Variants in APC observed in about 807,000 individuals in gnomAD.
APC encodes the protein adenomatous polyposis coli protein.
In APC, 72 loss-of-function variants were observed where a neutral mutation model predicts 247.0. The ratio of observed to expected loss-of-function variants is 0.29; its 90% CI spans 0.24 to 0.35. The LOEUF (loss-of-function observed/expected upper bound fraction) is 0.35. APC is among the 10% of genes least tolerant of loss of function. The pLI is 1.00. For missense variants in APC, 3,400 were observed against 3,360.7 expected, an observed-to-expected ratio of 1.01 and a Z score of -0.29; for synonymous variants, 1,254 against 1,162.5, an observed-to-expected ratio of 1.08 and a Z score of -1.60.
At chr5:112,742,902 G>A (rs534376928) in intron 1 of APC, among the ~76,000 whole-genome samples, 1 of 152,274 alleles carries the variant, frequency 6.6e-6, no homozygotes, top group East Asian at 1.9e-4. Context: ...CTAGGAGAGG[G>A]ATCACTGGAT....
At chr5:112,723,607 T>A (rs1751604496) in intron 1 of APC, among the ~76,000 whole-genome samples, 1 of 152,148 alleles carries the variant, frequency 6.6e-6, no homozygotes, top group African/African-American at 2.4e-5. Flanking sequence ...AATTTAAACA[T>A]CTGTCATGGT....
chr5:112,763,135 C>G lies in APC; in HGVS notation c.136-3191C>G, dbSNP rs186025912. Among the ~76,000 whole-genome samples, 193 of 152,166 alleles carry G rather than the reference C, an allele frequency of 1.3e-3. 1 individual carries two copies. Among genetic ancestry groups the G allele is most frequent in the African/African-American group, 4.5e-3 (187 of 41,530 alleles). On this transcript the variant is annotated intron_variant, in intron 2 of 15. Transcript: ENST00000257430. ...TATGCTTATAGCTATCAATAGATTT[C>G]TAACAATGTGTACAGAAATTTTTAA... is the stretch of plus-strand genomic sequence containing the variant.
intron 1 of APC, among the ~76,000 whole-genome samples, chr5:112,748,995 G>A (rs751708344): frequency 5.9e-5 from 9 of 152,018 alleles, no homozygotes; most frequent in Non-Finnish European, 8.8e-5. Flanking sequence ...AAAGAATGAA[G>A]TTTGCTTTAG....
At chr5:112,727,537 A>C (rs963674072) in intron 1 of APC, among the ~76,000 whole-genome samples, 3 of 152,166 alleles carry the variant, frequency 2.0e-5, no homozygotes, top group Non-Finnish European at 4.4e-5. Flanking sequence ...TTTTAACATC[A>C]GTATTGAGAT....
chr5:112,768,148 A>G lies in APC; in HGVS notation c.422+758A>G, dbSNP rs535581989. Among the ~76,000 whole-genome samples, 12 of 148,870 alleles carry G rather than the reference A, an allele frequency of 8.1e-5. No homozygotes were observed. In the South Asian group the frequency reaches 2.6e-3, roughly 32 times the overall value. ...AACCTCTGCCTCCCAGGTTCAAGCG[A>G]TTCTTCTGCTTCAGTCTCCCAAGTA... On this transcript the variant is annotated intron_variant, in intron 4 of 15. Transcript: ENST00000257430.
At chr5:112,804,927 G>A (rs1448803408) in intron 8 of APC, among the ~76,000 whole-genome samples, 1 of 151,954 alleles carries the variant, frequency 6.6e-6, no homozygotes, top group Admixed American at 6.6e-5. Flanking sequence ...GCTGCAGTGG[G>A]CTATGATCAT....
intron 1 of APC, among the ~76,000 whole-genome samples, chr5:112,713,540 T>C (rs987655682): frequency 4.6e-5 from 7 of 152,204 alleles, no homozygotes; most frequent in Non-Finnish European, 7.3e-5. Flanking sequence ...AATGGCTGAT[T>C]AGAAGAAAAC....
rs371784771 is a variant in APC at position 112,839,905 on chromosome 5, A to G, written c.4311A>G (p.Lys1437=). Residue 1437 remains lysine (K), a synonymous_variant, in exon 16 of 16, where the codon AAA becomes AAG. Coordinates refer to ENST00000257430, the MANE Select transcript of APC (RefSeq NM_000038.6). This position sits in a 1 kb window ranked among gnomAD's most constrained non-coding sequence, Gnocchi z 5.0. The part of the protein sequence containing the change: ...PGQTMPPSRS[K]TPPPPPQTAQ... ...AAACCATGCCACCAAGCAGAAGTAA[A>G]ACACCTCCACCACCTCCTCAAACAG... is the stretch of plus-strand genomic sequence containing the variant. 6.8e-6 allele frequency: 11 copies of G among 1,614,070 alleles called. No individual in the cohort carries two copies. Among genetic ancestry groups the G allele is most frequent in the South Asian group, 6.6e-5 (6 of 91,078 alleles).
intron 7 of APC, among the ~76,000 whole-genome samples, chr5:112,797,340 T>C (rs183364914): frequency 1.4e-4 from 21 of 152,252 alleles, no homozygotes; most frequent in Admixed American, 5.9e-4. Flanking sequence ...AGCTAGAAGA[T>C]GGAGAAAATT....
intron 1 of APC, among the ~76,000 whole-genome samples, chr5:112,729,686 C>T (rs537749019): frequency 6.6e-6 from 1 of 152,300 alleles, no homozygotes; most frequent in African/African-American, 2.4e-5. Flanking sequence ...TGGGTCTACC[C>T]AGGATAATCT....
chr5:112,816,390 A>G (rs993083059), intron 9 of APC, among the ~76,000 whole-genome samples: 4 of 152,222 alleles, frequency 2.6e-5, no homozygotes, highest in Middle Eastern at 3.2e-3. Context: ...GTGAATGGAA[A>G]AATTGTTGAA....
At chr5:112,807,878 G>A (rs969219178) in intron 8 of APC, among the ~76,000 whole-genome samples, 4 of 152,110 alleles carry the variant, frequency 2.6e-5, no homozygotes, top group African/African-American at 9.7e-5. Context: ...TAACTGGCCA[G>A]GTGTGGTGGC....
At chr5:112,821,865 C>G (rs2149791576) in intron 10 of APC, 31 bp from the exon 11 acceptor site, 1 of 1,509,650 alleles carries the variant, frequency 6.6e-7, no homozygotes, top group Non-Finnish European at 9.2e-7. Flanking sequence ...AATAACAAAG[C>G]ATTATGGTTT....
At chr5:112,787,624 C>T (rs1273965917) in intron 6 of APC, among the ~76,000 whole-genome samples, 10 of 152,308 alleles carry the variant, frequency 6.6e-5, no homozygotes, top group Non-Finnish European at 5.9e-5. Context: ...ATCCCTTGCT[C>T]ATTCCCTACT....
intron 1 of APC, among the ~76,000 whole-genome samples, chr5:112,749,479 A>ATTTTTTTTTTTTTTTTTTTTTTTTTTTT: frequency 1.9e-5 from 2 of 104,066 alleles, no homozygotes; most frequent in Non-Finnish European, 3.8e-5. Flanking sequence ...TACTGCTCCA[A>ATTTTTTTTTTTTTTTTTTTTTTTTTTTT]TTTTTTTTTT....
Position 112,791,438 on chromosome 5 carries a change from C to CTAA in APC, c.646-1008_646-1007insTAA, listed in dbSNP as rs1018127625. On this transcript the variant is annotated intron_variant, in intron 6 of 15. Transcript: ENST00000257430. The stretch of plus-strand genomic sequence containing the variant: ...CCCCAGCCCCCAGGCCACGAGCAAG[C>CTAA]ATTACCACCTGAGCCCTGCCTCCTG... Among the ~76,000 whole-genome samples the CTAA allele has an allele frequency of 3.0e-4, 45 of 152,316 alleles. 1 individual carries two copies. The highest frequency in any genetic ancestry group is 1.1e-3 in the African/African-American group (45 of 41,580).
rs59050067 is a variant in APC, at chr5:112,836,165, T to TCCCCCCCCCCCCCC, written c.1958+1001_1958+1014dup. On this transcript the variant is annotated intron_variant, in intron 15 of 15. Transcript: ENST00000257430. Reference sequence around the variant, plus strand: ...CCTCCCGAGTAGCTGGGATTACAGGTCCCCCCCCCCCCCCGCCACCGTGCC... The same window carrying TCCCCCCCCCCCCCC: ...CCTCCCGAGTAGCTGGGATTACAGGTCCCCCCCCCCCCCCCCCCCCCCCCCCCCGCCACCGTGCC... Among the ~76,000 whole-genome samples, 28 of 24,490 alleles carry TCCCCCCCCCCCCCC rather than the reference T, an allele frequency of 1.1e-3. 1 individual carries two copies. Among genetic ancestry groups the TCCCCCCCCCCCCCC allele is most frequent in the Admixed American group, 1.8e-3 (2 of 1,124 alleles). 16.1% of individuals were successfully genotyped at this position (24,490 alleles called of 152,430 possible).
At chr5:112,733,781 C>T (rs1752218185), upstream of APC, among the ~76,000 whole-genome samples, 1 of 152,180 alleles carries the variant, frequency 6.6e-6, no homozygotes, top group African/African-American at 2.4e-5. Flanking sequence ...TGTAGGAAGA[C>T]TAATTAACAT....
chr5:112,780,793 T>G lies in APC; in HGVS notation c.535T>G (p.Ser179Ala), dbSNP rs2149638985. ...TTTTTATTATTTGTGGTTTTAGTTT[T>G]CCTTACAAACAGATATGACCAGAAG... is the stretch of plus-strand genomic sequence containing the variant. ...IDSLPLTENF[S>A]LQTDMTRRQL... is the part of the protein sequence containing the mutation. Residue 179 changes from serine to alanine, a missense_variant, in exon 6 of 16, where the codon TCC becomes GCC. Physicochemically the swap from Ser to Ala is moderately conservative, Grantham distance 99 (BLOSUM62 1). Transcript: ENST00000257430. The G allele has an allele frequency of 6.2e-7, 1 of 1,606,526 alleles. No individual in the cohort carries two copies. The highest frequency in any genetic ancestry group is 1.7e-5 in the Admixed American group (1 of 59,972).
Sources: allele counts gnomAD v4.1 joint callset (sites outside exome capture counted in the v4.1 genomes callset), GRCh38; gene constraint gnomAD v4.1.1; non-coding constraint Gnocchi (gnomAD v3.1); transcripts MANE v1.5; gene names NCBI Gene and HGNC (gene_info 2026-07-23, HGNC 2026-07-21).